ACP1: variants seen among roughly 807,000 people sequenced by gnomAD.
The protein encoded by ACP1 is acid phosphatase 1.
In ACP1, 23 loss-of-function variants were observed where a neutral mutation model predicts 23.4. The ratio of observed to expected loss-of-function variants is 0.98; its 90% CI spans 0.71 to 1.39. ACP1 has a LOEUF of 1.39. Ranked by LOEUF, ACP1 falls within the 40% of genes most tolerant of loss-of-function variation. ACP1 has a pLI of 0.00. For synonymous variants in ACP1, 72 were observed against 67.2 expected (o/e 1.07, Z -0.35); for missense variants, 180 against 197.7 (o/e 0.91, Z 0.54).
chr2:270,673 C>T lies in ACP1; in HGVS notation c.44-1193C>T, dbSNP rs192066502. Among the ~76,000 whole-genome samples the T allele has an allele frequency of 2.0e-4, 31 of 152,076 alleles. No individual in the cohort carries two copies. The South Asian group carries it at 2.7e-3, about 13-fold the overall frequency. ...TGATTCAACCCATTGTGTCTCCCTC[C>T]GAAAACCCCAATAAAACCTCAGAGC... On this transcript the variant is annotated intron_variant, in intron 1 of 5. Coordinates refer to ENST00000272065, the MANE Select transcript of ACP1 (RefSeq NM_004300.4).
chr2:276,332 T>C (rs192749692), intron 4 of ACP1, among the ~76,000 whole-genome samples: 196 of 152,342 alleles, frequency 1.3e-3, no homozygotes, highest in Non-Finnish European at 2.4e-3. Context: ...TCCTGAGCTG[T>C]AAAACTTCGT....
intron 1 of ACP1, among the ~76,000 whole-genome samples, chr2:267,982 A>C (rs906194856): frequency 2.6e-5 from 4 of 152,158 alleles, no homozygotes; most frequent in African/African-American, 7.2e-5. Context: ...ACTACTCAAC[A>C]ATGTAAAAAT....
intron 3 of ACP1, 44 bp from the exon 4 acceptor site, chr2:275,096 T>C (rs373105280): frequency 1.4e-5 from 15 of 1,053,392 alleles, no homozygotes; most frequent in Non-Finnish European, 1.9e-5. Context: ...CCTCTAGGCT[T>C]GAATGGTATA....
intron 1 of ACP1, chr2:269,188 G>A (rs1669968266): frequency 4.9e-6 from 2 of 405,340 alleles, no homozygotes. Context: ...GACAATACCT[G>A]TTTAGAAAAC....
In ACP1 at chr2:278,258, TATAAAA is replaced by T. The variant is rs1670230793; in HGVS notation, c.*958_*963del. The T allele has an allele frequency of 6.6e-6, 1 of 152,352 alleles. No homozygotes were observed. The highest frequency in any genetic ancestry group is 2.4e-5 in the African/African-American group (1 of 41,582). The allele number at this position is 152,352 out of a possible 1,614,324, so 9.4% of individuals were successfully genotyped here. Reference sequence around the variant, plus strand: ...AATATTTCAAAATAAACTGGGGAGTTATAAAAATACAACTAGAGATATAAATCTGGT... The same window carrying T: ...AATATTTCAAAATAAACTGGGGAGTTATACAACTAGAGATATAAATCTGGT... On this transcript the variant is annotated 3_prime_UTR_variant, in exon 6 of 6. Coordinates refer to ENST00000272065, the MANE Select transcript of ACP1 (RefSeq NM_004300.4).
chr2:273,104 TGGA>T (rs1670090094), intron 3 of ACP1: 1 of 154,214 alleles, frequency 6.5e-6, no homozygotes, highest in Admixed American at 6.6e-5. Flanking sequence ...TGGTAGAAGG[TGGA>T]GGAGTCAAGA....
chr2:269,374 T>C (rs1478871203), intron 1 of ACP1: 1 of 469,322 alleles, frequency 2.1e-6, no homozygotes, highest in Non-Finnish European at 4.4e-6. Flanking sequence ...GGTCTTACAA[T>C]GTAGAAACTG....
intron 3 of ACP1, chr2:273,114 AAG>A (rs2103074681): frequency 6.5e-6 from 1 of 154,542 alleles, no homozygotes; most frequent in East Asian, 1.9e-4. Context: ...TGGAGGAGTC[AAG>A]AGAGTGCCCC....
At position 277,384 on chromosome 2, in the gene ACP1, C is replaced by A; in HGVS notation, c.*80C>A. 8.0e-7 allele frequency: 1 copy of A among 1,250,104 alleles called. No individual in the cohort carries two copies. Among genetic ancestry groups the A allele is most frequent in the Non-Finnish European group, 1.2e-6 (1 of 849,752 alleles). The allele number at this position is 1,250,104 out of a possible 1,614,324, so 77.4% of individuals were successfully genotyped here. On this transcript the variant is annotated 3_prime_UTR_variant, in exon 6 of 6. Transcript: ENST00000272065. The stretch of plus-strand genomic sequence containing the variant: ...GCATTTCTCAGTCGGTGTGTAATCA[C>A]GTTCCAGGGCCCAAAGCCCAGCTCT...
intron 1 of ACP1, among the ~76,000 whole-genome samples, chr2:269,102 T>C (rs1333866248): frequency 6.6e-6 from 1 of 152,220 alleles, no homozygotes; most frequent in Admixed American, 6.5e-5. Context: ...GTTAAAAATA[T>C]TCCCAGGGTA....
chr2:277,138 CCTGCCATATT>C, intron 5 of ACP1, 53 bp downstream of exon 5: 1 of 1,567,544 alleles, frequency 6.4e-7, no homozygotes, highest in Non-Finnish European at 8.8e-7. Context: ...ACATTTGTAT[CCTGCCATATT>C]AAATAACAGA....
rs1385026386 is a variant in ACP1, at chr2:277,026, A to G, written c.340A>G (p.Ile114Val). ...TCAAGTTAAAACCTGCAAAGCTAAA[A>G]TTGAACTACTTGGGAGCTATGATCC... ...SNQVKTCKAK[I>V]ELLGSYDPQK... is the part of the protein sequence containing the mutation. The change falls in exon 5 of 6, where the codon ATT becomes GTT. Residue 114 changes from isoleucine (I) to valine (V), a missense_variant. This residue lies in a region of ACP1 where 13 missense variants were observed against 33.0 expected (regional missense o/e 0.39). Transcript: ENST00000272065. The G allele has an allele frequency of 2.5e-6, 4 of 1,612,520 alleles. No individual in the cohort carries two copies. The Admixed American group carries it at 6.7e-5, about 27-fold the overall frequency.
At chr2:271,630 T>TGTACTTGGA (rs1486038839) in intron 1 of ACP1, among the ~76,000 whole-genome samples, 28 of 152,258 alleles carry the variant, frequency 1.8e-4, no homozygotes, top group Admixed American at 3.3e-4. Context: ...CTTTGTCATC[T>TGTACTTGGA]GTACTTGGAG....
In ACP1 at chr2:276,940, C is replaced by T. The variant is rs1670189527; in HGVS notation, c.294-40C>T. On this transcript the variant is annotated intron_variant, in intron 4 of 5. Transcript: ENST00000272065. ...GCAGATGTCCCTGTTTAACTTGAAA[C>T]CATAGATCAGAAAACTAAGTTCATA... The T allele has an allele frequency of 3.1e-6, 4 of 1,301,286 alleles. No individual in the cohort carries two copies. The South Asian group carries it at 5.1e-5, about 17-fold the overall frequency. 80.6% of individuals were successfully genotyped at this position (1,301,286 alleles called of 1,614,324 possible).
chr2:271,590 T>TA (rs146467882), intron 1 of ACP1, among the ~76,000 whole-genome samples: 2,126 of 152,332 alleles, frequency 0.014, 55 homozygotes, highest in African/African-American at 0.049. Flanking sequence ...CTTTAAACAA[T>TA]AATTTTTGTT....
intron 3 of ACP1, chr2:274,895 G>A (rs1670133225): frequency 3.3e-6 from 1 of 301,542 alleles, no homozygotes; most frequent in Non-Finnish European, 6.1e-6. Context: ...TAAACATTGT[G>A]TCTACACATT....
chr2:278,177 T>C lies in ACP1; in HGVS notation c.*873T>C, dbSNP rs1294898683. 6.6e-6 allele frequency: 1 copy of C among 152,240 alleles called. No homozygotes were observed. Among genetic ancestry groups the C allele is most frequent in the East Asian group, 1.9e-4 (1 of 5,196 alleles). The allele number at this position is 152,240 out of a possible 1,614,324, so 9.4% of individuals were successfully genotyped here. ...GTATTCTTCATCAGCATTTAATAAA[T>C]GTATAGGCAGATGTAAGGTAATTTC... On this transcript the variant is annotated 3_prime_UTR_variant, in exon 6 of 6. Transcript: ENST00000272065.
At chr2:266,012 C>G (rs749508522) in intron 1 of ACP1, among the ~76,000 whole-genome samples, 9 of 152,118 alleles carry the variant, frequency 5.9e-5, no homozygotes, top group Admixed American at 1.3e-4. Flanking sequence ...TGAGTTGCTT[C>G]CTTATCGACA....
chr2:277,398 A>G lies in ACP1; in HGVS notation c.*94A>G. 9.3e-7 allele frequency: 1 copy of G among 1,070,650 alleles called. No homozygotes were observed. Among genetic ancestry groups the G allele is most frequent in the Non-Finnish European group, 1.5e-6 (1 of 687,126 alleles). The allele number at this position is 1,070,650 out of a possible 1,614,324, so 66.3% of individuals were successfully genotyped here. A position where few individuals can be genotyped will look rare whatever the true frequency, so the allele number is the denominator to read the frequency against. On this transcript the variant is annotated 3_prime_UTR_variant, in exon 6 of 6. Coordinates refer to ENST00000272065, the MANE Select transcript of ACP1 (RefSeq NM_004300.4). ...GTGTGTAATCACGTTCCAGGGCCCA[A>G]AGCCCAGCTCTTTGTTCAGTTGACT...
Sources: allele counts gnomAD v4.1 joint callset (sites outside exome capture counted in the v4.1 genomes callset), GRCh38; gene constraint gnomAD v4.1.1; regional missense constraint gnomAD v4.1.1; transcripts MANE v1.5; gene names NCBI Gene and HGNC (gene_info 2026-07-23, HGNC 2026-07-21).